Variants in COL22A1 observed in about 807,000 individuals in gnomAD.
COL22A1 encodes collagen type XXII alpha 1 chain.
COL22A1 carries 221 observed loss-of-function variants against 248.9 expected under a neutral mutation model. The observed-to-expected ratio is 0.89, with a 90% CI of 0.80 to 0.99. COL22A1 has a LOEUF of 0.99. Ranked by LOEUF, COL22A1 falls within the 50% of genes least tolerant of loss-of-function variation. The probability of loss-of-function intolerance (pLI) is 0.00; values close to 1 mark genes in which losing one functional copy is unlikely to be tolerated. For synonymous variants in COL22A1, 891 were observed against 793.4 expected, an observed-to-expected ratio of 1.12 and a Z score of -2.07; for missense variants, 2,240 against 2,179.0, an observed-to-expected ratio of 1.03 and a Z score of -0.56.
At chr8:138,909,365 G>T (rs1241212808) in intron 1 of COL22A1, among the ~76,000 whole-genome samples, 1 of 149,262 alleles carries the variant, frequency 6.7e-6, no homozygotes, top group Non-Finnish European at 1.5e-5. Context: ...TATCTTTGTG[G>T]CTGACTTGCC....
intron 1 of COL22A1, among the ~76,000 whole-genome samples, chr8:138,899,931 T>C (rs1814416600): frequency 6.6e-6 from 1 of 152,198 alleles, no homozygotes; most frequent in South Asian, 2.1e-4. Context: ...TAAATAAAAA[T>C]GGCAGCTGAT....
chr8:138,895,058 C>A, intron 1 of COL22A1, among the ~76,000 whole-genome samples: 1 of 44,844 alleles, frequency 2.2e-5, no homozygotes, highest in Admixed American at 3.3e-4. Context: ...GAACCTTTCT[C>A]TTAAAAAAAA....
intron 53 of COL22A1, 45 bp from the exon 54 acceptor site, chr8:138,617,003 T>G: frequency 6.2e-7 from 1 of 1,611,206 alleles, no homozygotes; most frequent in Non-Finnish European, 8.5e-7. Context: ...AGCAGGCTCT[T>G]GGGGCAGAAG....
chr8:138,827,737 G>A (rs374035231), intron 5 of COL22A1, among the ~76,000 whole-genome samples: 2 of 150,882 alleles, frequency 1.3e-5, no homozygotes, highest in African/African-American at 4.9e-5. Flanking sequence ...GAACCAAGAT[G>A]CCATCCCTCA....
At chr8:138,735,076 A>G (rs1831005391) in intron 23 of COL22A1, among the ~76,000 whole-genome samples, 1 of 152,198 alleles carries the variant, frequency 6.6e-6, no homozygotes, top group Non-Finnish European at 1.5e-5. Flanking sequence ...TGTGGGACTT[A>G]AAACCTAGAT....
At chr8:138,783,858 C>T (rs918396147) in intron 12 of COL22A1, among the ~76,000 whole-genome samples, 2 of 152,160 alleles carry the variant, frequency 1.3e-5, no homozygotes, top group Non-Finnish European at 2.9e-5. Context: ...AAGGCTTACT[C>T]ATGCCCTTGT....
chr8:138,733,965 C>T (rs4588898), intron 23 of COL22A1, among the ~76,000 whole-genome samples: 48,812 of 151,894 alleles, frequency 0.32, 7,911 homozygotes, highest in Admixed American at 0.37. Flanking sequence ...GGTACTAGAC[C>T]GTGAGAAACC....
intron 45 of COL22A1, among the ~76,000 whole-genome samples, chr8:138,651,942 G>C (rs191336467): frequency 8.5e-5 from 13 of 152,320 alleles, no homozygotes; most frequent in Non-Finnish European, 1.6e-4. Flanking sequence ...CTCAACCTGG[G>C]CCTGTTGCAT....
At chr8:138,736,956 G>A (rs900564682) in intron 23 of COL22A1, among the ~76,000 whole-genome samples, 13 of 152,110 alleles carry the variant, frequency 8.5e-5, no homozygotes, top group African/African-American at 2.7e-4. Context: ...GATAGTGGCC[G>A]CCCTTTTGGT....
chr8:138,649,137 G>C (rs1400478441), intron 46 of COL22A1, among the ~76,000 whole-genome samples: 2 of 152,196 alleles, frequency 1.3e-5, no homozygotes, highest in African/African-American at 4.8e-5. Context: ...CTCCAGGACA[G>C]ACCATGAACT....
chr8:138,710,829 C>A (rs1429720423), intron 30 of COL22A1, among the ~76,000 whole-genome samples: 1 of 152,128 alleles, frequency 6.6e-6, no homozygotes, highest in Non-Finnish European at 1.5e-5. Context: ...TTACCCAATT[C>A]TCTTCCTGAC....
At position 138,891,550 on chromosome 8, in the gene COL22A1, C is replaced by T. The variant is rs539075487; in HGVS notation, c.-72-8306G>A. 2.5e-3 allele frequency among the ~76,000 whole-genome samples: 384 copies of T among 152,256 alleles called. 8 individuals are homozygous for T. The highest frequency in any genetic ancestry group is 0.025 in the South Asian group (118 of 4,812). ...TAAATAATAATTCATTTAGTCTGAACAGTAGGCATAATTAGCTCCATTGTA... is the reference window on the plus strand; with the variant it reads ...TAAATAATAATTCATTTAGTCTGAATAGTAGGCATAATTAGCTCCATTGTA... On this transcript the variant is annotated intron_variant, in intron 1 of 64. Coordinates refer to ENST00000303045, the MANE Select transcript of COL22A1 (RefSeq NM_152888.3).
chr8:138,598,191 A>G lies in COL22A1; in HGVS notation c.4365+528T>C, dbSNP rs529876537. Among the ~76,000 whole-genome samples the G allele has an allele frequency of 5.9e-5, 9 of 152,244 alleles. No homozygotes were observed. The East Asian group carries it at 9.6e-4, about 16-fold the overall frequency. On this transcript the variant is annotated intron_variant, in intron 61 of 64. Transcript: ENST00000303045. The stretch of plus-strand genomic sequence containing the variant: ...TAAAGGATGTTTAAAGAAAGAAAAA[A>G]CCATCATCACTCTAAATAAGCCCTT...
intron 6 of COL22A1, 32 bp from the exon 7 acceptor site, chr8:138,821,443 C>A: frequency 6.3e-7 from 1 of 1,596,996 alleles, no homozygotes; most frequent in Non-Finnish European, 8.6e-7. Context: ...ACTCCTTGAG[C>A]TTCTTGGGGC....
At chr8:138,654,106 T>A (rs2130600989) in intron 45 of COL22A1, among the ~76,000 whole-genome samples, 2 of 152,334 alleles carry the variant, frequency 1.3e-5, no homozygotes, top group South Asian at 4.1e-4. Context: ...GCCATTTCAG[T>A]GCTCACTCTT....
chr8:138,866,402 A>G (rs1380685848), intron 3 of COL22A1, among the ~76,000 whole-genome samples: 1 of 152,230 alleles, frequency 6.6e-6, no homozygotes, highest in Non-Finnish European at 1.5e-5. Flanking sequence ...ATATTTATAT[A>G]GAGATTGTCT....
At chr8:138,900,770 C>T (rs1320920730) in intron 1 of COL22A1, among the ~76,000 whole-genome samples, 5 of 152,190 alleles carry the variant, frequency 3.3e-5, no homozygotes, top group East Asian at 1.9e-4. Context: ...GTGTGCCAGG[C>T]GTTGTCTTAA....
At chr8:138,664,875 G>C (rs1280834738) in intron 41 of COL22A1, among the ~76,000 whole-genome samples, 1 of 152,190 alleles carries the variant, frequency 6.6e-6, no homozygotes, top group Non-Finnish European at 1.5e-5. Context: ...AGGAGAGAGA[G>C]AGAGACCTGC....
chr8:138,890,245 G>A (rs537522392), intron 1 of COL22A1, among the ~76,000 whole-genome samples: 1 of 152,154 alleles, frequency 6.6e-6, no homozygotes, highest in East Asian at 1.9e-4. Context: ...GGATAATAAA[G>A]GCCATCTATG....
Sources: gnomAD v4.1 joint callset for allele counts (sites outside exome capture counted in the v4.1 genomes callset) on GRCh38, gnomAD v4.1.1 for gene constraint, MANE v1.5 for transcripts, NCBI Gene and HGNC (gene_info 2026-07-23, HGNC 2026-07-21) for gene names.